PCBP3: variants seen among roughly 807,000 people sequenced by gnomAD.
The protein encoded by PCBP3 is poly(rC) binding protein 3, also known as poly(rC)-binding protein 3.
PCBP3 carries 25 observed loss-of-function variants against 52.7 expected under a neutral mutation model. The ratio of observed to expected loss-of-function variants is 0.47; its 90% CI spans 0.35 to 0.66. The LOEUF is 0.66. Ranked by LOEUF, PCBP3 falls within the 30% of genes least tolerant of loss-of-function variation. PCBP3 has a pLI of 0.01. For synonymous variants in PCBP3, 162 were observed against 183.0 expected, an observed-to-expected ratio of 0.89 and a Z score of 0.93; for missense variants, 391 against 490.3, an observed-to-expected ratio of 0.80 and a Z score of 1.91.
chr21:45,841,374 C>T (rs932325775), intron 4 of PCBP3, among the ~76,000 whole-genome samples: 3 of 150,062 alleles, frequency 2.0e-5, no homozygotes, highest in Admixed American at 6.7e-5. Flanking sequence ...TCTGTGATGT[C>T]TCCTTACTCT....
intron 10 of PCBP3, among the ~76,000 whole-genome samples, chr21:45,909,713 C>T (rs2096291121): frequency 6.8e-6 from 1 of 147,482 alleles, no homozygotes; most frequent in Non-Finnish European, 1.5e-5. Flanking sequence ...ACGGACCCGG[C>T]CACCCACTGC....
chr21:45,651,232 C>T (rs992738505), intron 1 of PCBP3, among the ~76,000 whole-genome samples: 2 of 152,164 alleles, frequency 1.3e-5, no homozygotes, highest in Non-Finnish European at 2.9e-5. Context: ...TCTCTACTGA[C>T]CTCCCCTTAG....
At chr21:45,890,564 T>C (rs560113573) in intron 5 of PCBP3, among the ~76,000 whole-genome samples, 158 of 141,790 alleles carry the variant, frequency 1.1e-3, no homozygotes, top group Middle Eastern at 4.3e-3. Context: ...CTGAGGGGAA[T>C]GTAGATAATA....
intron 15 of PCBP3, among the ~76,000 whole-genome samples, chr21:45,934,255 G>A (rs1393680452): frequency 1.3e-5 from 2 of 152,152 alleles, no homozygotes; most frequent in East Asian, 3.9e-4. Context: ...GCCTGCAAGG[G>A]GAAGAGCAGA....
intron 2 of PCBP3, among the ~76,000 whole-genome samples, chr21:45,714,074 C>T (rs1291356284): frequency 6.6e-6 from 1 of 152,184 alleles, no homozygotes; most frequent in East Asian, 1.9e-4. Flanking sequence ...CCCACACACT[C>T]TTCTGAATGT....
chr21:45,744,828 T>A (rs753734469), intron 3 of PCBP3, among the ~76,000 whole-genome samples: 1 of 152,230 alleles, frequency 6.6e-6, no homozygotes, highest in Non-Finnish European at 1.5e-5. Flanking sequence ...TCCCTCATGT[T>A]TTTATTATTT....
rs778344400 is a variant in PCBP3 at position 45,899,576 on chromosome 21, C to T, written c.166-23C>T. On this transcript the variant is annotated intron_variant, in intron 6 of 17. Coordinates refer to ENST00000681687, the MANE Select transcript of PCBP3 (RefSeq NM_001384156.1). Reference sequence around the variant, plus strand: ...CCTCCTGCTCTATGACATCATCTTTCTGTGATTTTTTTTTTCTTGCAGGAA... The same window carrying T: ...CCTCCTGCTCTATGACATCATCTTTTTGTGATTTTTTTTTTCTTGCAGGAA... 6 of 1,601,466 alleles carry T rather than the reference C, an allele frequency of 3.7e-6. No individual in the cohort carries two copies. The South Asian group carries it at 6.6e-5, about 18-fold the overall frequency.
intron 1 of PCBP3, among the ~76,000 whole-genome samples, chr21:45,658,302 T>G (rs1411881502): frequency 6.6e-6 from 1 of 152,052 alleles, no homozygotes; most frequent in Non-Finnish European, 1.5e-5. Context: ...GTTTTGCAAG[T>G]GTTTTGTTGA....
intron 5 of PCBP3, among the ~76,000 whole-genome samples, chr21:45,895,077 T>C (rs570036224): frequency 6.6e-6 from 1 of 152,224 alleles, no homozygotes; most frequent in African/African-American, 2.4e-5. Flanking sequence ...AGTGCAGAGG[T>C]GCATCCCTGG....
chr21:45,896,010 G>A (rs1379173530), intron 5 of PCBP3, among the ~76,000 whole-genome samples, 198 bp from the exon 6 acceptor site: 1 of 152,254 alleles, frequency 6.6e-6, no homozygotes, highest in Non-Finnish European at 1.5e-5. Context: ...GGGCCTCCCT[G>A]GAGACCTCTC....
chr21:45,852,259 T>G (rs979206254), intron 5 of PCBP3, among the ~76,000 whole-genome samples: 1 of 152,228 alleles, frequency 6.6e-6, no homozygotes, highest in African/African-American at 2.4e-5. Context: ...TAAAAAAAGC[T>G]GACGGCTTCG....
At chr21:45,744,167 C>T (rs922072292) in intron 3 of PCBP3, 10 of 151,108 alleles carry the variant, frequency 6.6e-5, no homozygotes, top group South Asian at 2.1e-4. Context: ...ATGTTGTGCT[C>T]GTCATTTTTC....
At chr21:45,705,494 G>C (rs576035326) in intron 2 of PCBP3, among the ~76,000 whole-genome samples, 2 of 152,300 alleles carry the variant, frequency 1.3e-5, no homozygotes, top group South Asian at 4.1e-4. Context: ...GCAATTGGTG[G>C]CTGTGTTTTC....
rs113063276 is a variant in PCBP3 at position 45,924,299 on chromosome 21, C to T, written c.718-5618C>T. On this transcript the variant is annotated intron_variant, in intron 13 of 17. Transcript: ENST00000681687. ...GGTGTGCGTGAGGAGATGCGAACAC[C>T]GGGAACAGTCGCGTGGGTAGAAACA... is the stretch of plus-strand genomic sequence containing the variant. Among the ~76,000 whole-genome samples, 336 of 87,218 alleles carry T rather than the reference C, an allele frequency of 3.9e-3. 2 individuals carry two copies. Among genetic ancestry groups the T allele is most frequent in the African/African-American group, 0.014 (217 of 15,276 alleles). 57.2% of individuals were successfully genotyped at this position (87,218 alleles called of 152,430 possible).
intron 5 of PCBP3, among the ~76,000 whole-genome samples, chr21:45,864,514 A>G (rs1408932355): frequency 2.0e-5 from 3 of 152,238 alleles, no homozygotes; most frequent in Admixed American, 6.5e-5. Flanking sequence ...ATTTTCACCT[A>G]TTGTAAATGA....
intron 5 of PCBP3, among the ~76,000 whole-genome samples, chr21:45,882,127 T>C (rs531629570): frequency 2.0e-5 from 3 of 152,360 alleles, no homozygotes; most frequent in Non-Finnish European, 2.9e-5. Flanking sequence ...CCATAATGAC[T>C]GTACTAAGTT....
chr21:45,868,556 A>C (rs1180870149), intron 5 of PCBP3, among the ~76,000 whole-genome samples: 2 of 150,974 alleles, frequency 1.3e-5, no homozygotes, highest in East Asian at 2.0e-4. Context: ...TGGCCCGCGC[A>C]TTGAGGAATC....
chr21:45,753,052 A>G (rs1353593689), intron 3 of PCBP3: 1 of 137,836 alleles, frequency 7.3e-6, no homozygotes, highest in Non-Finnish European at 1.5e-5. Context: ...CCTTGAGCCC[A>G]GGAGGTTGAG....
At chr21:45,910,857 T>C (rs1323853630) in intron 10 of PCBP3, 45 bp from the exon 11 acceptor site, 13 of 1,550,738 alleles carry the variant, frequency 8.4e-6, no homozygotes, top group Admixed American at 1.7e-5. Context: ...TGCTGCCCCA[T>C]GCGCTGCTAC....
Sources: allele counts gnomAD v4.1 joint callset (sites outside exome capture counted in the v4.1 genomes callset), GRCh38; gene constraint gnomAD v4.1.1; transcripts MANE v1.5; gene names NCBI Gene and HGNC (gene_info 2026-07-23, HGNC 2026-07-21).